Variants in ZNF518A observed in about 807,000 individuals in gnomAD.
ZNF518A encodes zinc finger protein 518A, also known as zinc finger protein 518.
ZNF518A carries 47 observed loss-of-function variants against 102.7 expected under a neutral mutation model. The observed-to-expected ratio is 0.46, with a 90% CI of 0.36 to 0.58. The LOEUF (loss-of-function observed/expected upper bound fraction) is 0.58. ZNF518A is among the 20% of genes least tolerant of loss of function. The probability of loss-of-function intolerance (pLI) is 0.00; values close to 1 mark genes in which losing one functional copy is unlikely to be tolerated. For missense variants in ZNF518A, 1,793 were observed against 1,699.8 expected, an observed-to-expected ratio of 1.05 and a Z score of -0.96; for synonymous variants, 652 against 594.6, an observed-to-expected ratio of 1.10 and a Z score of -1.40.
intron 1 of ZNF518A, among the ~76,000 whole-genome samples, chr10:96,198,732 C>T (rs1227292196): frequency 6.6e-6 from 1 of 152,210 alleles, no homozygotes; most frequent in African/African-American, 2.4e-5. Flanking sequence ...CAGTCTCACT[C>T]TTGTTGCCCA....
In ZNF518A at chr10:96,160,343, C is replaced by T; in HGVS notation, c.4021C>T (p.Pro1341Ser). ...PFSSKQLVKCPRRNQPVVVLN... is the reference protein window; with the variant it reads ...PFSSKQLVKCSRRNQPVVVLN... ...TAGTTCTAAACAGCTTGTGAAATGT[C>T]CTAGGAGAAACCAACCAGTTGTAGT... Residue 1341 changes from proline to serine, a missense_variant, in exon 6 of 6, where the codon CCT (proline) becomes TCT (serine). Pro to Ser is a moderately conservative substitution (Grantham distance 74). Around this residue, in one of 3 missense-constraint regions of ZNF518A, gnomAD observed 1,741 missense variants for 1,622.6 expected, o/e 1.07. Transcript: ENST00000316045. The T allele has an allele frequency of 1.2e-6, 2 of 1,613,612 alleles. No homozygotes were observed. Among genetic ancestry groups the T allele is most frequent in the Non-Finnish European group, 1.7e-6 (2 of 1,179,658 alleles).
At chr10:96,155,182 G>A (rs1011540738) in intron 3 of ZNF518A, 144 bp from the exon 4 acceptor site, 2 of 152,088 alleles carry the variant, frequency 1.3e-5, no homozygotes, top group Admixed American at 6.5e-5. Context: ...TGTCCCATAC[G>A]TGGTAATCAC....
At chr10:96,146,525 T>G (rs782342185) in intron 3 of ZNF518A, among the ~76,000 whole-genome samples, 54 of 152,368 alleles carry the variant, frequency 3.5e-4, no homozygotes, top group African/African-American at 1.3e-3. Context: ...TGAATTCTAG[T>G]GAAGTTGGGC....
rs1162726672 is a variant in ZNF518A at position 96,158,229 on chromosome 10, C to T, written c.1907C>T (p.Ser636Leu). ...ELPVESSNQGSLPFHNYSKVN... is the reference protein window; with the variant it reads ...ELPVESSNQGLLPFHNYSKVN... ...CCTGTTGAATCCTCCAACCAAGGAT[C>T]ATTACCTTTTCATAATTACTCAAAA... Residue 636 changes from serine to leucine, a missense_variant, in exon 6 of 6, where the codon TCA (serine) becomes TTA (leucine). Coordinates refer to ENST00000316045, the MANE Select transcript of ZNF518A (RefSeq NM_001330736.2). 6.2e-6 allele frequency: 10 copies of T among 1,613,582 alleles called. No homozygotes were observed. Among genetic ancestry groups the T allele is most frequent in the African/African-American group, 2.7e-5 (2 of 74,910 alleles).
chr10:96,156,601 A>G lies in ZNF518A; in HGVS notation c.279A>G (p.Val93=), dbSNP rs1554882575. ...TCAGTATAAAGACTGTAAGCTGTGT[A>G]GAGGAGTGTACATTGCTTCATAAGT... ...KSISIKTVSC[V]EECTLLHKSE... The change falls in exon 6 of 6, where the codon GTA becomes GTG. Residue 93 remains valine, a synonymous_variant. Coordinates refer to ENST00000316045, the MANE Select transcript of ZNF518A (RefSeq NM_001330736.2). 1.9e-6 allele frequency: 3 copies of G among 1,613,882 alleles called. No homozygotes were observed. In the South Asian group the frequency reaches 3.3e-5, roughly 18 times the overall value.
chr10:96,142,702 T>C (rs1426290582), intron 3 of ZNF518A, among the ~76,000 whole-genome samples: 2 of 152,178 alleles, frequency 1.3e-5, no homozygotes, highest in African/African-American at 4.8e-5. Context: ...TATAACTGTC[T>C]AGGAATGTTG....
In ZNF518A at chr10:96,158,943, A is replaced by T. The variant is rs1554885275; in HGVS notation, c.2621A>T (p.Asp874Val). 6.2e-7 allele frequency: 1 copy of T among 1,613,636 alleles called. No individual in the cohort carries two copies. Among genetic ancestry groups the T allele is most frequent in the Non-Finnish European group, 8.5e-7 (1 of 1,179,702 alleles). ...TCATCAATACCACAAGATGTGAGAG[A>T]TTCAGAGAAGATGCCTAGAATTTCA... ...QVSSIPQDVR[D>V]SEKMPRISGF... The change falls in exon 6 of 6, where the codon GAT becomes GTT. Residue 874 changes from aspartate to valine, a missense_variant. By Grantham distance (152) the Asp-to-Val change is radical. Around this residue, in one of 3 missense-constraint regions of ZNF518A, gnomAD observed 1,741 missense variants for 1,622.6 expected, o/e 1.07. Coordinates refer to ENST00000316045, the MANE Select transcript of ZNF518A (RefSeq NM_001330736.2).
chr10:96,130,872 TAGAC>T (rs2081300067), intron 1 of ZNF518A, 120 bp downstream of exon 1: 2 of 152,220 alleles, frequency 1.3e-5, no homozygotes, highest in African/African-American at 4.8e-5. Flanking sequence ...CTTTGTCAAG[TAGAC>T]AGTCTCTTCC....
At chr10:96,196,294 G>A (rs1331650777) in intron 1 of ZNF518A, among the ~76,000 whole-genome samples, 1 of 152,112 alleles carries the variant, frequency 6.6e-6, no homozygotes. Flanking sequence ...GGTTACTCCA[G>A]CTCATATTTC....
intron 3 of ZNF518A, among the ~76,000 whole-genome samples, chr10:96,150,491 C>G (rs2082383106): frequency 1.3e-5 from 2 of 150,794 alleles, no homozygotes; most frequent in African/African-American, 4.9e-5. Flanking sequence ...TACTGAGCTT[C>G]TAATCTTGCC....
Position 96,151,572 on chromosome 10 carries a change from T to C in ZNF518A, c.-301-3754T>C, listed in dbSNP as rs186307457. On this transcript the variant is annotated intron_variant, in intron 3 of 5. Transcript: ENST00000316045. ...GCCTCACTTTATCTTCCAAGGTATG[T>C]TTAGGGGAAGTTGTAGGCAGAATTA... 3.3e-5 allele frequency: 5 copies of C among 152,268 alleles called. No individual in the cohort carries two copies. The East Asian group carries it at 9.6e-4, about 29-fold the overall frequency. 9.4% of individuals were successfully genotyped at this position (152,268 alleles called of 1,614,324 possible).
rs756045179 is a variant in ZNF518A, at chr10:96,200,284, G to A, written n.36-3290G>A. ...TCTACATTTACACCAATAATTTTAAGATGAGTTTTATTTTTCCTTTGATCA... is the reference window on the plus strand; with the variant it reads ...TCTACATTTACACCAATAATTTTAAAATGAGTTTTATTTTTCCTTTGATCA... On this transcript the variant is annotated intron_variant and non_coding_transcript_variant, in intron 1 of 2. Transcript: ENST00000442635. This position sits in a 1 kb window ranked among gnomAD's most constrained non-coding sequence, Gnocchi z 4.3. 1 of 652,706 alleles carries A rather than the reference G, an allele frequency of 1.5e-6. No individual in the cohort carries two copies. Among genetic ancestry groups the A allele is most frequent in the Admixed American group, 2.6e-5 (1 of 38,138 alleles). The allele number at this position is 652,706 out of a possible 1,614,324, so 40.4% of individuals were successfully genotyped here. A position where few individuals can be genotyped will look rare whatever the true frequency, so the allele number is the denominator to read the frequency against.
Position 96,160,507 on chromosome 10 carries a change from T to A in ZNF518A, c.4185T>A (p.Pro1395=). ...TACTGAAACCAGTTTGTTATAACCC[T>A]CCTAAAACAACTTATGATGATTTTT... is the stretch of plus-strand genomic sequence containing the variant. ...NALLKPVCYN[P]PKTTYDDFSK... Residue 1395 remains proline (P), a synonymous_variant, in exon 6 of 6, where the codon CCT becomes CCA. Coordinates refer to ENST00000316045, the MANE Select transcript of ZNF518A (RefSeq NM_001330736.2). 1 of 1,612,892 alleles carries A rather than the reference T, an allele frequency of 6.2e-7. No homozygotes were observed. The highest frequency in any genetic ancestry group is 8.5e-7 in the Non-Finnish European group (1 of 1,179,450).
downstream of ZNF518A, chr10:96,204,817 C>A: frequency 1.8e-6 from 1 of 570,346 alleles, no homozygotes; most frequent in Admixed American, 2.4e-5. Flanking sequence ...TCCCTCCCAG[C>A]AGTGTTACAG....
At chr10:96,198,674 A>G (rs1188171355) in intron 1 of ZNF518A, among the ~76,000 whole-genome samples, 3 of 152,188 alleles carry the variant, frequency 2.0e-5, no homozygotes, top group Non-Finnish European at 4.4e-5. Context: ...CTACTAGGAT[A>G]TGAAAAAACA....
intron 1 of ZNF518A, among the ~76,000 whole-genome samples, chr10:96,188,006 G>A (rs1554892798): frequency 1.3e-5 from 2 of 152,168 alleles, no homozygotes; most frequent in African/African-American, 2.4e-5. Context: ...GTGCCACCAT[G>A]CCCAGTTAAT....
At position 96,156,629 on chromosome 10, in the gene ZNF518A, G is replaced by T; in HGVS notation, c.307G>T (p.Glu103Ter). Residue 103 changes from glutamate to a stop codon, truncating the protein, a stop_gained, in exon 6 of 6, where the codon GAG becomes TAG. Coordinates refer to ENST00000316045, the MANE Select transcript of ZNF518A (RefSeq NM_001330736.2). LOFTEE classifies it high-confidence loss of function. ...GGAGTGTACATTGCTTCATAAGTCT[G>T]AGAGAGCTGAAGAAGAGGGTGTAAA... ...VEECTLLHKS[E>*]RAEEEGVKMS... 1 of 1,613,798 alleles carries T rather than the reference G, an allele frequency of 6.2e-7. No homozygotes were observed. Among genetic ancestry groups the T allele is most frequent in the South Asian group, 1.1e-5 (1 of 91,072 alleles).
intron 1 of ZNF518A, among the ~76,000 whole-genome samples, chr10:96,178,728 T>G (rs1368142170): frequency 6.6e-6 from 1 of 152,016 alleles, no homozygotes; most frequent in Non-Finnish European, 1.5e-5. Context: ...AGAAAAATGT[T>G]AAAGAGGGGA....
intron 3 of ZNF518A, among the ~76,000 whole-genome samples, chr10:96,141,671 C>T (rs1358010727): frequency 6.6e-6 from 1 of 152,006 alleles, no homozygotes; most frequent in Admixed American, 6.6e-5. Flanking sequence ...TTGAACATTT[C>T]TAGATCTGTA....
Sources: gnomAD v4.1 joint callset for allele counts (sites outside exome capture counted in the v4.1 genomes callset) on GRCh38, gnomAD v4.1.1 for gene constraint, gnomAD v4.1.1 regional missense constraint, Gnocchi (gnomAD v3.1) non-coding constraint, MANE v1.5 for transcripts, NCBI Gene and HGNC (gene_info 2026-07-23, HGNC 2026-07-21) for gene names.